KCTD8: variants seen among roughly 807,000 people sequenced by gnomAD.
KCTD8 encodes the protein potassium channel tetramerization domain containing 8, also known as BTB/POZ domain-containing protein KCTD8.
In KCTD8, 27 loss-of-function variants were observed where a neutral mutation model predicts 31.5. That is an observed-to-expected ratio of 0.86 (90% CI 0.63 to 1.18). KCTD8 has a LOEUF of 1.18. KCTD8 is among the 50% of genes most tolerant of loss of function. The pLI is 0.00. For missense variants in KCTD8, 658 were observed against 647.7 expected (o/e 1.02, Z -0.17); for synonymous variants, 290 against 280.0 (o/e 1.04, Z -0.36).
Position 44,190,079 on chromosome 4 carries a change from C to G in KCTD8, c.962-14829G>C, listed in dbSNP as rs183193454. Among the ~76,000 whole-genome samples, 15 of 152,252 alleles carry G rather than the reference C, an allele frequency of 9.9e-5. No homozygotes were observed. In the East Asian group the frequency reaches 2.9e-3, roughly 29 times the overall value. On this transcript the variant is annotated intron_variant, in intron 1 of 1. Coordinates refer to ENST00000360029, the MANE Select transcript of KCTD8 (RefSeq NM_198353.3). The stretch of plus-strand genomic sequence containing the variant: ...TTACTGAATCAACTGTAATAACCTT[C>G]TAGAAATCCTTTCATCTCTAATCTT...
intron 1 of KCTD8, among the ~76,000 whole-genome samples, chr4:44,413,685 C>G (rs1279908977): frequency 6.6e-6 from 1 of 152,008 alleles, no homozygotes; most frequent in African/African-American, 2.4e-5. Context: ...GAAAGAATAC[C>G]TAGATGGTTG....
intron 1 of KCTD8, among the ~76,000 whole-genome samples, chr4:44,301,091 C>G (rs912776755): frequency 7.2e-5 from 11 of 151,874 alleles, no homozygotes; most frequent in Admixed American, 2.0e-4. Context: ...GTATATGTGC[C>G]ACATTTTCTT....
chr4:44,352,024 G>T (rs1719217089), intron 1 of KCTD8, among the ~76,000 whole-genome samples: 1 of 151,758 alleles, frequency 6.6e-6, no homozygotes, highest in Non-Finnish European at 1.5e-5. Context: ...ATGAGACTGG[G>T]GATATAGAGA....
At chr4:44,379,366 T>G (rs978053836) in intron 1 of KCTD8, among the ~76,000 whole-genome samples, 2 of 152,106 alleles carry the variant, frequency 1.3e-5, no homozygotes, top group Non-Finnish European at 2.9e-5. Flanking sequence ...CCTAACCTTG[T>G]GAAGTGAACA....
At chr4:44,305,999 T>C (rs931197637) in intron 1 of KCTD8, among the ~76,000 whole-genome samples, 2 of 151,624 alleles carry the variant, frequency 1.3e-5, no homozygotes, top group Non-Finnish European at 2.9e-5. Flanking sequence ...AATTAGAAAA[T>C]ACTTAAAGTT....
intron 1 of KCTD8, among the ~76,000 whole-genome samples, chr4:44,389,146 T>C (rs962625402): frequency 6.6e-5 from 10 of 151,438 alleles, no homozygotes; most frequent in African/African-American, 2.4e-4. Context: ...GAGGATGTTG[T>C]AAGGAGGTAA....
chr4:44,375,732 T>C (rs781763777), intron 1 of KCTD8, among the ~76,000 whole-genome samples: 1 of 152,134 alleles, frequency 6.6e-6, no homozygotes, highest in Non-Finnish European at 1.5e-5. Context: ...GAAAGCCTAC[T>C]GGGAAGGCAG....
chr4:44,187,199 C>CT (rs1055237734), intron 1 of KCTD8, among the ~76,000 whole-genome samples: 4 of 152,154 alleles, frequency 2.6e-5, no homozygotes, highest in African/African-American at 9.7e-5. Flanking sequence ...AAATAATTTT[C>CT]TTTTTTCTGC....
At chr4:44,357,235 A>C (rs1234280471) in intron 1 of KCTD8, among the ~76,000 whole-genome samples, 1 of 152,198 alleles carries the variant, frequency 6.6e-6, no homozygotes, top group Non-Finnish European at 1.5e-5. Flanking sequence ...AACTTGACAA[A>C]AGCAACAAAA....
intron 1 of KCTD8, among the ~76,000 whole-genome samples, chr4:44,440,078 C>A (rs1253305158): frequency 6.6e-6 from 1 of 151,780 alleles, no homozygotes; most frequent in East Asian, 1.9e-4. Context: ...ATTACAGATG[C>A]CCGCCACCAC....
chr4:44,192,796 T>C (rs1347735503), intron 1 of KCTD8, among the ~76,000 whole-genome samples: 2 of 152,202 alleles, frequency 1.3e-5, no homozygotes, highest in African/African-American at 4.8e-5. Context: ...GGGCATCATC[T>C]AATCAGCTGC....
At chr4:44,307,656 A>G (rs1221632738) in intron 1 of KCTD8, among the ~76,000 whole-genome samples, 2 of 152,020 alleles carry the variant, frequency 1.3e-5, no homozygotes, top group Admixed American at 6.6e-5. Flanking sequence ...TTTATTTTCC[A>G]ATTAATTGCA....
At position 44,175,232 on chromosome 4, in the gene KCTD8, A is replaced by C; in HGVS notation, c.980T>G (p.Val327Gly). 6.4e-7 allele frequency: 1 copy of C among 1,563,270 alleles called. No homozygotes were observed. Among genetic ancestry groups the C allele is most frequent in the Non-Finnish European group, 8.7e-7 (1 of 1,155,366 alleles). Residue 327 changes from valine to glycine, a missense_variant, in exon 2 of 2, where the codon GTA (valine) becomes GGA (glycine). Transcript: ENST00000360029. Reference sequence around the variant, plus strand: ...ATCTTCATGTTCTTGTTTAGGTGATACTATTTTCTGAGGTGGTCCTAAAAA... The same window carrying C: ...ATCTTCATGTTCTTGTTTAGGTGATCCTATTTTCTGAGGTGGTCCTAAAAA... ...YIFFRPPQKI[V>G]SPKQEHEDRK...
chr4:44,355,397 T>C (rs1375737925), intron 1 of KCTD8, among the ~76,000 whole-genome samples: 1 of 152,164 alleles, frequency 6.6e-6, no homozygotes, highest in African/African-American at 2.4e-5. Flanking sequence ...TGTTGCTTTT[T>C]TTCTTTCGTC....
rs748867298 is a variant in KCTD8, at chr4:44,175,263, A to G, written c.962-13T>C. 17 of 1,391,612 alleles carry G rather than the reference A, an allele frequency of 1.2e-5. No individual in the cohort carries two copies. Among genetic ancestry groups the G allele is most frequent in the East Asian group, 2.3e-5 (1 of 42,824 alleles). 86.2% of individuals were successfully genotyped at this position (1,391,612 alleles called of 1,614,324 possible). ...TTCTGAGGTGGTCCTAAAAAGGAGG[A>G]AAAAAAAAGAAGAAGAGTAGAACAG... On this transcript the variant is annotated splice_polypyrimidine_tract_variant and intron_variant, in intron 1 of 1. Transcript: ENST00000360029.
At chr4:44,289,398 G>A (rs1717202887) in intron 1 of KCTD8, among the ~76,000 whole-genome samples, 1 of 152,038 alleles carries the variant, frequency 6.6e-6, no homozygotes, top group African/African-American at 2.4e-5. Context: ...AGCAAAATAA[G>A]TCTTACTTAT....
At chr4:44,330,901 G>C (rs181577433) in intron 1 of KCTD8, among the ~76,000 whole-genome samples, 1 of 151,710 alleles carries the variant, frequency 6.6e-6, no homozygotes, top group African/African-American at 2.4e-5. Flanking sequence ...GGGGGTACTG[G>C]TACAAATGCA....
At chr4:44,392,059 A>G (rs1720387961) in intron 1 of KCTD8, among the ~76,000 whole-genome samples, 1 of 152,062 alleles carries the variant, frequency 6.6e-6, no homozygotes, top group Non-Finnish European at 1.5e-5. Context: ...ACAGTAGCAG[A>G]CAGGTAGAGG....
intron 1 of KCTD8, among the ~76,000 whole-genome samples, chr4:44,305,319 A>T (rs2109395273): frequency 6.6e-6 from 1 of 151,830 alleles, no homozygotes; most frequent in South Asian, 2.1e-4. Context: ...TTTGAATATT[A>T]AAGTTGGGTT....
Sources: allele counts gnomAD v4.1 joint callset (sites outside exome capture counted in the v4.1 genomes callset), GRCh38; gene constraint gnomAD v4.1.1; transcripts MANE v1.5; gene names NCBI Gene and HGNC (gene_info 2026-07-23, HGNC 2026-07-21).